ABR: variants seen among roughly 807,000 people sequenced by gnomAD.
ABR encodes the protein ABR activator of RhoGEF and GTPase.
A neutral mutation model predicts 107.2 loss-of-function variants in ABR; 35 were observed. The observed-to-expected ratio is 0.33, with a 90% CI of 0.25 to 0.43. The LOEUF is 0.43. ABR is among the 20% of genes least tolerant of loss of function. The pLI, the probability that ABR is intolerant of heterozygous loss-of-function variation, is 1.00. For missense variants in ABR, 815 were observed against 1,115.2 expected, an observed-to-expected ratio of 0.73 and a Z score of 3.83; for synonymous variants, 498 against 462.0, an observed-to-expected ratio of 1.08 and a Z score of -1.00.
chr17:1,203,670 G>A (rs1333504598), intron 1 of ABR, among the ~76,000 whole-genome samples: 1 of 152,276 alleles, frequency 6.6e-6, no homozygotes, highest in South Asian at 2.1e-4. Context: ...CTGAGGTTTC[G>A]GCGGGAGCGG....
chr17:1,172,704 T>G (rs1337271135), intron 1 of ABR, among the ~76,000 whole-genome samples: 1 of 151,516 alleles, frequency 6.6e-6, no homozygotes, highest in South Asian at 2.1e-4. Flanking sequence ...GAGCCGAGAT[T>G]GCCCCACTGC....
rs572720487 is a variant in ABR at position 1,086,946 on chromosome 17, T to A, written c.532-3319A>T. Among the ~76,000 whole-genome samples, 1,129 of 151,714 alleles carry A rather than the reference T, an allele frequency of 7.4e-3. 4 individuals are homozygous for A. Among genetic ancestry groups the A allele is most frequent in the Non-Finnish European group, 0.013 (856 of 67,866 alleles). On this transcript the variant is annotated intron_variant, in intron 4 of 22. Coordinates refer to ENST00000302538, the MANE Select transcript of ABR (RefSeq NM_021962.5). ...ACATAGCAAGACCTTTTTTTTTTTT[T>A]AAAGTACAGGCCAACCCAAAATAGA...
At chr17:1,121,655 C>G (rs1477371736) in intron 2 of ABR, among the ~76,000 whole-genome samples, 2 of 149,620 alleles carry the variant, frequency 1.3e-5, no homozygotes, top group African/African-American at 5.0e-5. Context: ...GAGAGCTGCT[C>G]ACAGTGGGAT....
At chr17:1,144,232 C>A (rs569031277) in intron 1 of ABR, among the ~76,000 whole-genome samples, 2 of 152,132 alleles carry the variant, frequency 1.3e-5, no homozygotes, top group Middle Eastern at 3.2e-3. Context: ...GGCCGTATAA[C>A]CTTGCCATGA....
intron 16 of ABR, among the ~76,000 whole-genome samples, chr17:1,026,505 G>C (rs180836309): frequency 2.2e-4 from 34 of 152,276 alleles, no homozygotes; most frequent in African/African-American, 7.5e-4. Context: ...GTCTTGAAGC[G>C]GGACTGGGGA....
intron 4 of ABR, among the ~76,000 whole-genome samples, chr17:1,087,998 C>A (rs536446023): frequency 2.3e-4 from 35 of 152,340 alleles, no homozygotes; most frequent in Admixed American, 1.1e-3. Flanking sequence ...AGCAGAGACG[C>A]TAATTCCCTT....
intron 1 of ABR, among the ~76,000 whole-genome samples, chr17:1,205,846 G>A (rs775772406): frequency 1.2e-4 from 18 of 152,216 alleles, no homozygotes; most frequent in East Asian, 3.9e-4. Flanking sequence ...AGAAGGCTGC[G>A]GCAGGAGAAT....
intron 16 of ABR, among the ~76,000 whole-genome samples, chr17:1,030,203 A>G (rs1162489893): frequency 2.0e-5 from 3 of 152,218 alleles, no homozygotes; most frequent in Admixed American, 6.5e-5. Flanking sequence ...ATGCATAGGG[A>G]AAGAACTGAA....
At chr17:1,030,330 G>C (rs1352190312) in intron 16 of ABR, among the ~76,000 whole-genome samples, 3 of 152,254 alleles carry the variant, frequency 2.0e-5, no homozygotes, top group African/African-American at 7.2e-5. Flanking sequence ...TGCCAGGTCA[G>C]TTTCTTGCCA....
At chr17:1,120,173 C>G (rs9747439) in intron 2 of ABR, among the ~76,000 whole-genome samples, 7 of 151,946 alleles carry the variant, frequency 4.6e-5, no homozygotes, top group Non-Finnish European at 8.8e-5. Context: ...GAAACCAACA[C>G]GTGAAAGGTT....
In ABR at chr17:1,057,986, C is replaced by T. The variant is rs1458910074; in HGVS notation, c.1365G>A (p.Gln455=). 6.2e-7 allele frequency: 1 copy of T among 1,613,914 alleles called. No individual in the cohort carries two copies. Among genetic ancestry groups the T allele is most frequent in the South Asian group, 1.1e-5 (1 of 91,074 alleles). The change falls in exon 12 of 23, where the codon CAG becomes CAA. Residue 455 remains glutamine, a synonymous_variant. Coordinates refer to ENST00000302538, the MANE Select transcript of ABR (RefSeq NM_021962.5). ...YERSEWREAI[Q]KLQKKDLQAF... ...GGAATTTACCCTTCTTCTGTAGTTT[C>T]TGAATTGCTTCTCTCCACTCTGACC...
intron 6 of ABR, 109 bp downstream of exon 6, chr17:1,079,221 G>T (rs34109118): frequency 9.9e-6 from 15 of 1,511,568 alleles, no homozygotes; most frequent in Non-Finnish European, 1.3e-5. Flanking sequence ...GCTCACACGC[G>T]CTCACACACA....
intron 5 of ABR, among the ~76,000 whole-genome samples, chr17:1,082,227 C>A (rs925758809): frequency 4.6e-5 from 7 of 152,166 alleles, no homozygotes; most frequent in African/African-American, 7.2e-5. Context: ...GGGGCTGTTC[C>A]TCTCAGGCCA....
intron 2 of ABR, chr17:1,108,973 G>T (rs2038462642): frequency 6.3e-7 from 1 of 1,597,676 alleles, no homozygotes; most frequent in Non-Finnish European, 8.5e-7. Context: ...AGCCGGGGCT[G>T]GTCGGGGTTC....
chr17:1,160,468 T>C (rs1359851983), intron 1 of ABR, among the ~76,000 whole-genome samples: 1 of 152,200 alleles, frequency 6.6e-6, no homozygotes, highest in Non-Finnish European at 1.5e-5. Flanking sequence ...CAACCAGCAT[T>C]GACACCTACG....
At chr17:1,137,355 T>G (rs1364915051) in intron 1 of ABR, among the ~76,000 whole-genome samples, 1 of 151,822 alleles carries the variant, frequency 6.6e-6, no homozygotes, top group African/African-American at 2.4e-5. Flanking sequence ...ACTGAACCAT[T>G]TCTAGCTTTT....
intron 1 of ABR, among the ~76,000 whole-genome samples, chr17:1,147,989 G>A (rs750141763): frequency 2.0e-5 from 3 of 152,066 alleles, no homozygotes; most frequent in East Asian, 1.9e-4. Flanking sequence ...GCACCTGAGG[G>A]CCACGCCTTC....
At chr17:1,056,326 G>A (rs1782768667) in intron 13 of ABR, among the ~76,000 whole-genome samples, 2 of 152,098 alleles carry the variant, frequency 1.3e-5, no homozygotes, top group Admixed American at 6.5e-5. Flanking sequence ...CCTCCACTCA[G>A]CCTGGGGGGG....
At chr17:1,165,133 G>C (rs1352071365) in intron 1 of ABR, among the ~76,000 whole-genome samples, 2 of 152,246 alleles carry the variant, frequency 1.3e-5, no homozygotes, top group African/African-American at 4.8e-5. Context: ...GGCTAAGCAG[G>C]TGTTCAAAGA....
Sources: gnomAD v4.1 joint callset for allele counts (sites outside exome capture counted in the v4.1 genomes callset) on GRCh38, gnomAD v4.1.1 for gene constraint, MANE v1.5 for transcripts, NCBI Gene and HGNC (gene_info 2026-07-23, HGNC 2026-07-21) for gene names.